Variants in GYS2 observed in about 807,000 individuals in gnomAD.
GYS2 encodes glycogen synthase 2.
A neutral mutation model predicts 85.6 loss-of-function variants in GYS2; 80 were observed. The ratio of observed to expected loss-of-function variants is 0.93; its 90% CI spans 0.78 to 1.13. GYS2 has a LOEUF of 1.13. Among genes scored for constraint, GYS2 ranks in the 50% most tolerant of loss-of-function variants. The pLI, the probability that GYS2 is intolerant of heterozygous loss-of-function variation, is 0.00. For synonymous variants in GYS2, 328 were observed against 300.7 expected (o/e 1.09, Z -0.94); for missense variants, 881 against 854.9 (o/e 1.03, Z -0.38).
chr12:21,562,908 G>C lies in GYS2; in HGVS notation c.1062+10C>G. 9 of 1,611,958 alleles carry C rather than the reference G, an allele frequency of 5.6e-6. No individual in the cohort carries two copies. The highest frequency in any genetic ancestry group is 7.6e-6 in the Non-Finnish European group (9 of 1,178,188). On this transcript the variant is annotated intron_variant, in intron 7 of 15. Coordinates refer to ENST00000261195, the MANE Select transcript of GYS2 (RefSeq NM_021957.4). ...CAAGAGTGTTATACCATGTCCTAGA[G>C]CTTTCTTACCCTCAGCAGGAAATTT...
At position 21,537,005 on chromosome 12, in the gene GYS2, C is replaced by G; in HGVS notation, c.2061G>C (p.Leu687=). 1.2e-6 allele frequency: 2 copies of G among 1,614,000 alleles called. No homozygotes were observed. Among genetic ancestry groups the G allele is most frequent in the South Asian group, 2.2e-5 (2 of 91,086 alleles). Reference sequence around the variant, plus strand: ...TTTTCTTCCCATGAGGAACGTGGCTCAGTGAAAATGGTGACTTGATATTTA... The same window carrying G: ...TTTTCTTCCCATGAGGAACGTGGCTGAGTGAAAATGGTGACTTGATATTTA... ...DRLNIKSPFS[L]SHVPHGKKKL... is the part of the protein sequence containing the mutation. The change falls in exon 16 of 16, where the codon CTG becomes CTC. Residue 687 remains leucine (L), a synonymous_variant. Transcript: ENST00000261195.
At chr12:21,558,110 G>C in intron 11 of GYS2, 90 bp downstream of exon 11, 1 of 806,384 alleles carries the variant, frequency 1.2e-6, no homozygotes, top group South Asian at 1.5e-5. Flanking sequence ...ATTTCTTGTA[G>C]ATGTAAAAAC....
intron 1 of GYS2, among the ~76,000 whole-genome samples, chr12:21,599,932 A>G (rs1944736272): frequency 1.3e-5 from 2 of 152,096 alleles, no homozygotes; most frequent in South Asian, 4.1e-4. Flanking sequence ...ATTTCTTTTA[A>G]TTTTCACAAC....
chr12:21,555,461 C>T (rs1386596971), intron 11 of GYS2, among the ~76,000 whole-genome samples: 2 of 152,054 alleles, frequency 1.3e-5, no homozygotes, highest in South Asian at 2.1e-4. Context: ...ATAAAAACCA[C>T]TTATAATGAA....
In GYS2 at chr12:21,541,268, C is replaced by CAAAAAAAAAAA. The variant is rs3832848; in HGVS notation, c.1646-706_1646-696dup. ...GGGCAACAGAGTGAGACCATGTTTCCAAAAAAAAAAAAAAAAAAAAAAACA... is the reference window on the plus strand; with the variant it reads ...GGGCAACAGAGTGAGACCATGTTTCCAAAAAAAAAAAAAAAAAAAAAAAAAAAAAAAAAACA... On this transcript the variant is annotated intron_variant, in intron 13 of 15. Transcript: ENST00000261195. Among the ~76,000 whole-genome samples, 11 of 46,322 alleles carry CAAAAAAAAAAA rather than the reference C, an allele frequency of 2.4e-4. 2 individuals are homozygous for CAAAAAAAAAAA. Among genetic ancestry groups the CAAAAAAAAAAA allele is most frequent in the East Asian group, 9.3e-4 (1 of 1,076 alleles). 30.4% of individuals were successfully genotyped at this position (46,322 alleles called of 152,430 possible).
Position 21,542,545 on chromosome 12 carries a change from G to A in GYS2, c.1596C>T (p.Ser532=), listed in dbSNP as rs368306247. 2.2e-5 allele frequency: 35 copies of A among 1,613,582 alleles called. No individual in the cohort carries two copies. The highest frequency in any genetic ancestry group is 2.7e-5 in the Non-Finnish European group (32 of 1,179,696). The change falls in exon 13 of 16, where the codon TCC becomes TCT. Residue 532 remains serine (S), a synonymous_variant. Coordinates refer to ENST00000261195, the MANE Select transcript of GYS2 (RefSeq NM_021957.4). ...MGIPSVTTNL[S]GFGCFMQEHV... is the part of the protein sequence containing the mutation. ...GCTCCTGCATGAAACAGCCAAACCC[G>A]GAGAGATTCGTGGTCACACTGGGGA... is the stretch of plus-strand genomic sequence containing the variant.
intron 1 of GYS2, among the ~76,000 whole-genome samples, chr12:21,597,643 T>C (rs544667771): frequency 6.6e-6 from 1 of 152,208 alleles, no homozygotes; most frequent in African/African-American, 2.4e-5. Flanking sequence ...AATATGTAGA[T>C]TTACCAAAAA....
chr12:21,582,699 G>A (rs991582432), intron 1 of GYS2, among the ~76,000 whole-genome samples: 1 of 152,028 alleles, frequency 6.6e-6, no homozygotes, highest in African/African-American at 2.4e-5. Context: ...TACCAGGAGT[G>A]GTTCTAGAGG....
chr12:21,540,426 C>T lies in GYS2; in HGVS notation c.1793G>A (p.Trp598Ter). The T allele has an allele frequency of 1.2e-6, 2 of 1,614,034 alleles. No homozygotes were observed. Among genetic ancestry groups the T allele is most frequent in the Non-Finnish European group, 1.7e-6 (2 of 1,179,924 alleles). Residue 598 changes from tryptophan (W) to a stop codon, truncating the protein, a stop_gained, in exon 14 of 16, where the codon TGG becomes TAG. Transcript: ENST00000261195. LOFTEE classifies it high-confidence loss of function. Reference sequence around the variant, plus strand: ...CTTGCTTACTCTGCCTAAGTATCTCCAATCCAGAAGATCTGAGAGCCTCTC... The same window carrying T: ...CTTGCTTACTCTGCCTAAGTATCTCTAATCCAGAAGATCTGAGAGCCTCTC... ...RTERLSDLLD[W>*]RYLGRYYQHA... is the part of the protein sequence containing the mutation.
At chr12:21,548,764 T>C (rs1944071815) in intron 11 of GYS2, among the ~76,000 whole-genome samples, 1 of 152,172 alleles carries the variant, frequency 6.6e-6, no homozygotes, top group Non-Finnish European at 1.5e-5. Flanking sequence ...CAGTACTCCA[T>C]ATTGTCAATT....
chr12:21,559,795 ACATTCTTTGAAATT>A, intron 8 of GYS2, 85 bp from the exon 9 acceptor site: 1 of 53,938 alleles, frequency 1.9e-5, no homozygotes, highest in African/African-American at 1.5e-4. Context: ...TGTTTTGTTG[ACATTCTTTGAAATT>A]ACATTCTTTG....
Position 21,540,259 on chromosome 12 carries a change from A to T in GYS2, c.1809+151T>A, listed in dbSNP as rs374692033. 86 of 766,506 alleles carry T rather than the reference A, an allele frequency of 1.1e-4. No homozygotes were observed. The African/African-American group carries it at 1.4e-3, about 13-fold the overall frequency. 47.5% of individuals were successfully genotyped at this position (766,506 alleles called of 1,614,324 possible). On this transcript the variant is annotated intron_variant, in intron 14 of 15. Transcript: ENST00000261195. ...GAAGAAATACATATAGGACTTTGTA[A>T]ACTTATTAAATTTTAAAAAGTACAT...
chr12:21,595,214 C>T (rs1022015127), intron 1 of GYS2, among the ~76,000 whole-genome samples: 7 of 152,020 alleles, frequency 4.6e-5, no homozygotes, highest in African/African-American at 1.7e-4. Context: ...TGTGGAGGCT[C>T]GCATTGTGAA....
At chr12:21,561,673 T>C (rs1382941244) in intron 7 of GYS2, among the ~76,000 whole-genome samples, 1 of 152,204 alleles carries the variant, frequency 6.6e-6, no homozygotes, top group African/African-American at 2.4e-5. Context: ...CCCTAAAGAT[T>C]GTATATGTGA....
At chr12:21,542,840 C>T (rs1261341360) in intron 12 of GYS2, among the ~76,000 whole-genome samples, 1 of 152,206 alleles carries the variant, frequency 6.6e-6, no homozygotes, top group Non-Finnish European at 1.5e-5. Context: ...ACTTTCCCAC[C>T]TTCACAAAGC....
At chr12:21,553,982 G>T (rs1944144233) in intron 11 of GYS2, among the ~76,000 whole-genome samples, 1 of 152,162 alleles carries the variant, frequency 6.6e-6, no homozygotes, top group Admixed American at 6.5e-5. Context: ...ATGTTGAGTG[G>T]TCTTCGACCA....
rs372925801 is a variant in GYS2 at position 21,539,283 on chromosome 12, T to A, written c.1865A>T (p.His622Leu). 1 of 1,599,840 alleles carries A rather than the reference T, an allele frequency of 6.3e-7. No homozygotes were observed. The highest frequency in any genetic ancestry group is 1.7e-5 in the Admixed American group (1 of 60,018). The change falls in exon 15 of 16, where the codon CAT becomes CTT. Residue 622 changes from histidine (H) to leucine (L), a missense_variant. By Grantham distance (99) the His-to-Leu change is moderately conservative (BLOSUM62 -3). Transcript: ENST00000261195. Reference protein sequence around the residue: ...TLSRAFPDKFHVELTSPPTTE... With the variant: ...TLSRAFPDKFLVELTSPPTTE... ...CGTTGGTGGTGATGTTAGTTCCACATGGAATTTATCTGGAAAAGCTCTGCT... is the reference window on the plus strand; with the variant it reads ...CGTTGGTGGTGATGTTAGTTCCACAAGGAATTTATCTGGAAAAGCTCTGCT...
At chr12:21,576,575 T>A (rs369225122) in intron 2 of GYS2, among the ~76,000 whole-genome samples, 1 of 152,210 alleles carries the variant, frequency 6.6e-6, no homozygotes, top group East Asian at 1.9e-4. Context: ...TGCAAAATGT[T>A]TCCCAGTATG....
In GYS2 at chr12:21,580,440, A is replaced by T; in HGVS notation, c.205T>A (p.Tyr69Asn). 1 of 1,613,622 alleles carries T rather than the reference A, an allele frequency of 6.2e-7. No homozygotes were observed. The highest frequency in any genetic ancestry group is 8.5e-7 in the Non-Finnish European group (1 of 1,179,634). The change falls in exon 2 of 16, where the codon TAT (tyrosine) becomes AAT (asparagine). Residue 69 changes from tyrosine (Y) to asparagine (N), a missense_variant. Tyr to Asn is a moderately radical substitution (Grantham distance 143). Coordinates refer to ENST00000261195, the MANE Select transcript of GYS2 (RefSeq NM_021957.4). ...TGAGTCTTCATATTATGCTCAAAAT[A>T]TGGACCTATCAGAAAATAGTTCTCT... ...WGENYFLIGP[Y>N]FEHNMKTQVE...
Sources: allele counts gnomAD v4.1 joint callset (sites outside exome capture counted in the v4.1 genomes callset), GRCh38; gene constraint gnomAD v4.1.1; transcripts MANE v1.5; gene names NCBI Gene and HGNC (gene_info 2026-07-23, HGNC 2026-07-21).